TRABD2B: variants seen among roughly 807,000 people sequenced by gnomAD.
TRABD2B encodes metalloprotease TIKI2.
Under a neutral mutation model 40.1 loss-of-function variants are expected in TRABD2B, and 14 were observed. The ratio of observed to expected loss-of-function variants is 0.35; its 90% CI spans 0.23 to 0.55. The LOEUF is 0.55. Among genes scored for constraint, TRABD2B ranks in the 20% least tolerant of loss-of-function variants. TRABD2B has a pLI of 0.90. For missense variants in TRABD2B, 541 were observed against 648.6 expected (o/e 0.83, Z 1.80); for synonymous variants, 263 against 277.0 (o/e 0.95, Z 0.50).
chr1:47,910,690 G>A (rs1033023864), intron 2 of TRABD2B, among the ~76,000 whole-genome samples: 4 of 152,150 alleles, frequency 2.6e-5, no homozygotes, highest in Admixed American at 6.5e-5. Flanking sequence ...CCTGGGCCAC[G>A]CCATTTCTCT....
At chr1:47,772,080 G>T (rs1454031031) in intron 6 of TRABD2B, among the ~76,000 whole-genome samples, 1 of 152,028 alleles carries the variant, frequency 6.6e-6, no homozygotes, top group African/African-American at 2.4e-5. Context: ...CCTCAGCTGG[G>T]CCAGGGAGAG....
chr1:47,883,602 T>C (rs1193538213), intron 2 of TRABD2B, among the ~76,000 whole-genome samples: 2 of 152,192 alleles, frequency 1.3e-5, no homozygotes, highest in Non-Finnish European at 2.9e-5. Flanking sequence ...TTCAGCTGTG[T>C]CACAAGTCAG....
chr1:47,881,786 C>T (rs779170245), intron 2 of TRABD2B, among the ~76,000 whole-genome samples: 7 of 152,208 alleles, frequency 4.6e-5, no homozygotes, highest in Admixed American at 6.5e-5. Context: ...CACATGTCTG[C>T]ATGGCTTGTG....
intron 2 of TRABD2B, among the ~76,000 whole-genome samples, chr1:47,962,137 C>G (rs1209541846): frequency 2.6e-5 from 4 of 151,594 alleles, no homozygotes; most frequent in Non-Finnish European, 1.5e-5. Flanking sequence ...ACCACATGTT[C>G]TCACTCATAG....
chr1:47,938,465 G>A (rs1263406243), intron 2 of TRABD2B, among the ~76,000 whole-genome samples: 1 of 152,198 alleles, frequency 6.6e-6, no homozygotes. Context: ...TGGATAGGGA[G>A]GTAGGAAGCA....
At chr1:47,958,803 T>C (rs897454015) in intron 2 of TRABD2B, among the ~76,000 whole-genome samples, 5 of 152,066 alleles carry the variant, frequency 3.3e-5, no homozygotes, top group Admixed American at 3.3e-4. Flanking sequence ...GTCAGATCAG[T>C]GAGACAGACA....
At chr1:47,792,529 G>T (rs1317569583) in intron 4 of TRABD2B, among the ~76,000 whole-genome samples, 2 of 152,168 alleles carry the variant, frequency 1.3e-5, no homozygotes, top group African/African-American at 4.8e-5. Context: ...GGATTCACTG[G>T]GGACTGATTA....
intron 2 of TRABD2B, among the ~76,000 whole-genome samples, chr1:47,952,519 G>A (rs1645360194): frequency 6.6e-6 from 1 of 152,170 alleles, no homozygotes; most frequent in Non-Finnish European, 1.5e-5. Context: ...GCTGTTCTCT[G>A]TATCTAAGAC....
rs187813988 is a variant in TRABD2B at position 47,941,053 on chromosome 1, G to A, written c.666+52981C>T. Among the ~76,000 whole-genome samples the A allele has an allele frequency of 1.2e-4, 18 of 152,086 alleles. No homozygotes were observed. The East Asian group carries it at 2.7e-3, about 23-fold the overall frequency. On this transcript the variant is annotated intron_variant, in intron 2 of 6. Transcript: ENST00000606738. Reference sequence around the variant, plus strand: ...TCCCAAAACATCTTGTGCTTCTTCCGTGCAGCCTTCCCAGACTTACCCCTC... The same window carrying A: ...TCCCAAAACATCTTGTGCTTCTTCCATGCAGCCTTCCCAGACTTACCCCTC...
chr1:47,815,690 G>A (rs1249748252), intron 2 of TRABD2B, among the ~76,000 whole-genome samples: 5 of 152,174 alleles, frequency 3.3e-5, no homozygotes, highest in African/African-American at 1.2e-4. Context: ...ACAGCTGCAG[G>A]CCAGAGCTTC....
chr1:47,974,757 T>C (rs1317083112), intron 2 of TRABD2B, among the ~76,000 whole-genome samples: 2 of 151,982 alleles, frequency 1.3e-5, no homozygotes, highest in Admixed American at 6.5e-5. Context: ...TATGAAAAGA[T>C]GGAGGGAAAA....
intron 2 of TRABD2B, among the ~76,000 whole-genome samples, chr1:47,899,999 CAAGTTTCCCTGTGGAAAGTGCT>C (rs1379405417): frequency 6.6e-6 from 1 of 152,180 alleles, no homozygotes; most frequent in East Asian, 1.9e-4. Context: ...ATTTCAGATC[CAAGTTTCCCTGTGGAAAGTGCT>C]TGGGCCTGCA....
At chr1:47,896,760 T>C (rs1445395138) in intron 2 of TRABD2B, among the ~76,000 whole-genome samples, 2 of 152,192 alleles carry the variant, frequency 1.3e-5, no homozygotes, top group Non-Finnish European at 2.9e-5. Flanking sequence ...CTGCCACTTC[T>C]TGGGCAAGAA....
chr1:47,913,403 C>A (rs2124711633), intron 2 of TRABD2B, among the ~76,000 whole-genome samples: 1 of 152,276 alleles, frequency 6.6e-6, no homozygotes, highest in South Asian at 2.1e-4. Flanking sequence ...GTGCTCTGCA[C>A]CCATCAGAAA....
intron 3 of TRABD2B, among the ~76,000 whole-genome samples, chr1:47,797,244 A>G (rs185923700): frequency 1.3e-5 from 2 of 152,370 alleles, no homozygotes; most frequent in East Asian, 1.9e-4. Context: ...TGTGTTTTGG[A>G]AAGTGCTTAC....
intron 2 of TRABD2B, among the ~76,000 whole-genome samples, chr1:47,869,048 C>G (rs1371918742): frequency 6.6e-6 from 1 of 152,050 alleles, no homozygotes; most frequent in Non-Finnish European, 1.5e-5. Flanking sequence ...TTCTTCTTTC[C>G]TCCCTCCCTC....
chr1:47,885,259 T>C (rs937814924), intron 2 of TRABD2B, among the ~76,000 whole-genome samples: 2 of 152,230 alleles, frequency 1.3e-5, no homozygotes, highest in Non-Finnish European at 2.9e-5. Context: ...CTACACATCC[T>C]TTGGGCCTAA....
At chr1:47,907,729 T>G (rs1183411017) in intron 2 of TRABD2B, among the ~76,000 whole-genome samples, 5 of 152,236 alleles carry the variant, frequency 3.3e-5, no homozygotes, top group Admixed American at 1.3e-4. Context: ...AAAGGAGTCC[T>G]GAGTCTAGAA....
intron 2 of TRABD2B, among the ~76,000 whole-genome samples, chr1:47,983,836 G>A (rs1570415019): frequency 6.6e-6 from 1 of 151,494 alleles, no homozygotes; most frequent in African/African-American, 2.4e-5. Context: ...GAACGCGGTC[G>A]TGCATGTGAA....
Sources: gnomAD v4.1 joint callset for allele counts (sites outside exome capture counted in the v4.1 genomes callset) on GRCh38, gnomAD v4.1.1 for gene constraint, MANE v1.5 for transcripts, NCBI Gene and HGNC (gene_info 2026-07-23, HGNC 2026-07-21) for gene names.